Variants in CAMSAP2 observed in about 807,000 individuals in gnomAD.
CAMSAP2 encodes calmodulin-regulated spectrin-associated protein 2.
A neutral mutation model predicts 146.1 loss-of-function variants in CAMSAP2; 26 were observed. The observed-to-expected ratio is 0.18, with a 90% confidence interval of 0.13 to 0.25. The LOEUF (loss-of-function observed/expected upper bound fraction) is 0.25. Among genes scored for constraint, CAMSAP2 ranks in the 10% least tolerant of loss-of-function variants. The pLI is 1.00. For missense variants in CAMSAP2, 1,381 were observed against 1,759.3 expected (o/e 0.78, Z 3.85); for synonymous variants, 499 against 596.6 (o/e 0.84, Z 2.38).
chr1:200,755,327 G>A (rs1314682222), intron 1 of CAMSAP2, among the ~76,000 whole-genome samples: 1 of 152,180 alleles, frequency 6.6e-6, no homozygotes, highest in African/African-American at 2.4e-5. Flanking sequence ...TATATCTGAA[G>A]CATCATGTAT....
At chr1:200,828,633 C>T in intron 4 of CAMSAP2, 14 of 1,545,366 alleles carry the variant, frequency 9.1e-6, no homozygotes, top group Non-Finnish European at 1.2e-5. Context: ...CTTCAGTTTG[C>T]TCTCCAGAAT....
rs1227379992 is a variant in CAMSAP2, at chr1:200,849,101, C to A, written c.2332C>A (p.Gln778Lys). The change falls in exon 11 of 17, where the codon CAG (glutamine) becomes AAG (lysine). Residue 778 changes from glutamine to lysine, a missense_variant. Transcript: ENST00000358823. The surrounding 1 kb of genome is among the most constrained non-coding windows in gnomAD (Gnocchi z 6.3). Reference sequence around the variant, plus strand: ...GAAAATGGAAGCTGCTTTTACCAAACAGAGACAGAAAATGGGAAGGACAGC... The same window carrying A: ...GAAAATGGAAGCTGCTTTTACCAAAAAGAGACAGAAAATGGGAAGGACAGC... ...KKKMEAAFTK[Q>K]RQKMGRTAFL... The A allele has an allele frequency of 6.2e-7, 1 of 1,614,032 alleles. No homozygotes were observed. Among genetic ancestry groups the A allele is most frequent in the Non-Finnish European group, 8.5e-7 (1 of 1,180,006 alleles).
chr1:200,840,676 A>G (rs756887887), intron 6 of CAMSAP2, among the ~76,000 whole-genome samples: 1 of 152,232 alleles, frequency 6.6e-6, no homozygotes, highest in Non-Finnish European at 1.5e-5. Flanking sequence ...CATGAGTTCT[A>G]GTGGAGAGCA....
chr1:200,806,765 G>GTGTGTGTATC (rs1396000266), intron 2 of CAMSAP2, among the ~76,000 whole-genome samples: 2 of 140,226 alleles, frequency 1.4e-5, no homozygotes, highest in East Asian at 2.1e-4. Flanking sequence ...GTGTGTGTGT[G>GTGTGTGTATC]TATCTATCTA....
chr1:200,828,715 TAG>T (rs1323447504), intron 4 of CAMSAP2: 20 of 1,026,680 alleles, frequency 1.9e-5, no homozygotes, highest in Non-Finnish European at 2.9e-5. Context: ...AGTCATTGAA[TAG>T]AGATTGGATT....
chr1:200,811,498 G>T (rs1487964582), intron 3 of CAMSAP2, among the ~76,000 whole-genome samples: 1 of 152,068 alleles, frequency 6.6e-6, no homozygotes, highest in African/African-American at 2.4e-5. Context: ...TTGAATTGAG[G>T]GTAAGGCCAT....
chr1:200,846,539 T>G (rs1303481775), intron 8 of CAMSAP2, among the ~76,000 whole-genome samples: 1 of 152,220 alleles, frequency 6.6e-6, no homozygotes, highest in Middle Eastern at 3.2e-3. Flanking sequence ...TAGCCATTAT[T>G]CTAGGCTATT....
intron 15 of CAMSAP2, among the ~76,000 whole-genome samples, 173 bp downstream of exon 15, chr1:200,856,298 A>G (rs1360346970): frequency 6.6e-6 from 1 of 152,238 alleles, no homozygotes; most frequent in Non-Finnish European, 1.5e-5. Flanking sequence ...AAACAAAATT[A>G]GTGATGCTAC....
intron 4 of CAMSAP2, among the ~76,000 whole-genome samples, chr1:200,828,160 A>G (rs1666950789): frequency 6.6e-6 from 1 of 152,066 alleles, no homozygotes; most frequent in African/African-American, 2.4e-5. Flanking sequence ...TTTTTGGGGA[A>G]TATTGCCTTG....
intron 2 of CAMSAP2, among the ~76,000 whole-genome samples, chr1:200,803,729 G>A (rs1666096465): frequency 6.6e-6 from 1 of 152,070 alleles, no homozygotes; most frequent in Non-Finnish European, 1.5e-5. Flanking sequence ...TTTAATTTGG[G>A]AAGTTAATCA....
chr1:200,754,932 A>G (rs1664608839), intron 1 of CAMSAP2, among the ~76,000 whole-genome samples: 1 of 152,100 alleles, frequency 6.6e-6, no homozygotes, highest in Admixed American at 6.6e-5. Context: ...AGACTCATTG[A>G]TGCGTGTTTT....
At chr1:200,846,117 A>T (rs1194716489) in intron 8 of CAMSAP2, among the ~76,000 whole-genome samples, 1 of 152,228 alleles carries the variant, frequency 6.6e-6, no homozygotes, top group African/African-American at 2.4e-5. Context: ...TTCAAAAATT[A>T]TGAGTAAAAC....
intron 2 of CAMSAP2, among the ~76,000 whole-genome samples, chr1:200,800,757 G>A (rs1297758180): frequency 6.6e-6 from 1 of 152,152 alleles, no homozygotes; most frequent in African/African-American, 2.4e-5. Flanking sequence ...TCTTCATAGT[G>A]TCGATGGTCT....
At chr1:200,746,413 G>A (rs189224770) in intron 1 of CAMSAP2, among the ~76,000 whole-genome samples, 28 of 152,288 alleles carry the variant, frequency 1.8e-4, no homozygotes, top group Admixed American at 1.1e-3. Flanking sequence ...TCTATTTTGT[G>A]AGAAAGGGAA....
rs899573893 is a variant in CAMSAP2 at position 200,858,255 on chromosome 1, A to G, written c.*196A>G. On this transcript the variant is annotated 3_prime_UTR_variant, in exon 17 of 17. Transcript: ENST00000358823. ...ACATTCTCAATTAAGTGATAAGTCC[A>G]AATGATGAAGGAAATGTTTTAATTC... 24 of 466,234 alleles carry G rather than the reference A, an allele frequency of 5.1e-5. 1 individual carries two copies. The highest frequency in any genetic ancestry group is 2.4e-4 in the Admixed American group (6 of 25,080). 28.9% of individuals were successfully genotyped at this position (466,234 alleles called of 1,614,324 possible).
chr1:200,821,088 G>A (rs1666748920), intron 4 of CAMSAP2, among the ~76,000 whole-genome samples: 1 of 151,448 alleles, frequency 6.6e-6, no homozygotes, highest in Non-Finnish European at 1.5e-5. Context: ...GACATAGCCT[G>A]TCTAAATTAG....
At chr1:200,764,032 C>A (rs1484793431) in intron 2 of CAMSAP2, among the ~76,000 whole-genome samples, 2 of 152,052 alleles carry the variant, frequency 1.3e-5, no homozygotes, top group African/African-American at 4.8e-5. Context: ...GATTGCGCCA[C>A]TGCACTCCAG....
rs1667533246 is a variant in CAMSAP2, at chr1:200,848,804, T to G, written c.2035T>G (p.Ser679Ala). 3 of 1,614,166 alleles carry G rather than the reference T, an allele frequency of 1.9e-6. No individual in the cohort carries two copies. Among genetic ancestry groups the G allele is most frequent in the Non-Finnish European group, 2.5e-6 (3 of 1,180,008 alleles). ...CAAGTCTCAGCCAGGCAGCAGTGCTTCTTCTAGTTCTGGAGTTAAAATGAC... is the reference window on the plus strand; with the variant it reads ...CAAGTCTCAGCCAGGCAGCAGTGCTGCTTCTAGTTCTGGAGTTAAAATGAC... The part of the protein sequence containing the change: ...STKSQPGSSA[S>A]SSSGVKMTSF... Residue 679 changes from serine to alanine, a missense_variant, in exon 11 of 17, where the codon TCT becomes GCT. Ser to Ala is a moderately conservative substitution (Grantham distance 99, BLOSUM62 1). Around this residue, in one of 4 missense-constraint regions of CAMSAP2, gnomAD observed 447 missense variants for 462.2 expected, o/e 0.97. Coordinates refer to ENST00000358823, the MANE Select transcript of CAMSAP2 (RefSeq NM_203459.4).
chr1:200,751,150 G>C (rs892236520), intron 1 of CAMSAP2, among the ~76,000 whole-genome samples: 1 of 151,700 alleles, frequency 6.6e-6, no homozygotes, highest in Admixed American at 6.6e-5. Context: ...TGATCTGCCT[G>C]CCTCAGCCTC....
Sources: allele counts gnomAD v4.1 joint callset (sites outside exome capture counted in the v4.1 genomes callset), GRCh38; gene constraint gnomAD v4.1.1; regional missense constraint gnomAD v4.1.1; non-coding constraint Gnocchi (gnomAD v3.1); transcripts MANE v1.5; gene names NCBI Gene and HGNC (gene_info 2026-07-23, HGNC 2026-07-21).